The following FCRL4 variants were observed in gnomAD, a reference collection of about 807,000 sequenced individuals.
FCRL4 encodes the protein Fc receptor-like protein 4.
FCRL4 carries 43 observed loss-of-function variants against 64.1 expected under a neutral mutation model. The observed-to-expected ratio is 0.67, with a 90% CI of 0.53 to 0.87. The LOEUF (loss-of-function observed/expected upper bound fraction) is 0.87, where lower values mean the gene tolerates loss of function less well. Among genes scored for constraint, FCRL4 ranks in the 40% least tolerant of loss-of-function variants. FCRL4 has a pLI of 0.00. For missense variants in FCRL4, 656 were observed against 613.5 expected (o/e 1.07, Z -0.73); for synonymous variants, 253 against 239.8 (o/e 1.05, Z -0.51).
intron 2 of FCRL4, among the ~76,000 whole-genome samples, chr1:157,590,621 G>A (rs941765431): frequency 4.0e-5 from 6 of 150,600 alleles, no homozygotes; most frequent in East Asian, 2.0e-4. Context: ...AGATTCAAGC[G>A]ATTCTCCTGC....
At position 157,588,071 on chromosome 1, in the gene FCRL4, A is replaced by C; in HGVS notation, c.356T>G (p.Leu119Trp). ...CCTTCTTCTGTGGCATCTCAGAACC[A>C]ATGTGTCACCTTCAAACACAGAATA... The part of the protein sequence containing the change: ...APYSVFEGDT[L>W]VLRCHRRRKE... The change falls in exon 4 of 12, where the codon TTG becomes TGG. Residue 119 changes from leucine to tryptophan, a missense_variant. Leu to Trp is a moderately conservative substitution (Grantham distance 61). Coordinates refer to ENST00000271532, the MANE Select transcript of FCRL4 (RefSeq NM_031282.3). 6.2e-7 allele frequency: 1 copy of C among 1,613,840 alleles called. No homozygotes were observed. The highest frequency in any genetic ancestry group is 8.5e-7 in the Non-Finnish European group (1 of 1,179,906).
chr1:157,591,923 G>A (rs1268176538), intron 2 of FCRL4, among the ~76,000 whole-genome samples: 5 of 152,072 alleles, frequency 3.3e-5, no homozygotes, highest in African/African-American at 1.2e-4. Context: ...TGGAACAGAG[G>A]TCTCAGACCT....
intron 6 of FCRL4, 85 bp downstream of exon 6, chr1:157,586,083 G>A (rs1652683250): frequency 2.2e-6 from 3 of 1,335,512 alleles, no homozygotes; most frequent in Middle Eastern, 2.1e-4. Context: ...AAACAGCAGA[G>A]TCACAGGGTA....
chr1:157,586,801 G>GTCATAATTTTGTA (rs1652709867), intron 5 of FCRL4, among the ~76,000 whole-genome samples: 1 of 152,172 alleles, frequency 6.6e-6, no homozygotes, highest in Non-Finnish European at 1.5e-5. Flanking sequence ...GTTTTCAAAA[G>GTCATAATTTTGTA]TCATAATTTT....
At chr1:157,582,469 A>C (rs1441770749) in intron 6 of FCRL4, among the ~76,000 whole-genome samples, 1 of 152,186 alleles carries the variant, frequency 6.6e-6, no homozygotes, top group Non-Finnish European at 1.5e-5. Context: ...AAAAAGCATG[A>C]CAGAGGGACA....
Position 157,574,749 on chromosome 1 carries a change from T to G in FCRL4, c.*775A>C, listed in dbSNP as rs1232389460. 1.4e-5 allele frequency: 3 copies of G among 210,440 alleles called. No homozygotes were observed. Among genetic ancestry groups the G allele is most frequent in the Admixed American group, 1.2e-4 (2 of 16,968 alleles). The allele number at this position is 210,440 out of a possible 1,614,324, so 13.0% of individuals were successfully genotyped here. ...ATCTTTTTTTAAAGGCAGAGTTTAT[T>G]ATGAGTTTATACTAATATTTTAAGT... On this transcript the variant is annotated 3_prime_UTR_variant, in exon 12 of 12. Coordinates refer to ENST00000271532, the MANE Select transcript of FCRL4 (RefSeq NM_031282.3).
At chr1:157,593,431 TTTCCCTTCAGTTACTTAAG>T (rs1457332798) in intron 2 of FCRL4, among the ~76,000 whole-genome samples, 1 of 152,178 alleles carries the variant, frequency 6.6e-6, no homozygotes, top group African/African-American at 2.4e-5. Flanking sequence ...CAGAAGTTTG[TTTCCCTTCAGTTACTTAAG>T]ACAGGTTGTC....
At chr1:157,588,627 G>T (rs549512829) in intron 3 of FCRL4, among the ~76,000 whole-genome samples, 11 of 152,342 alleles carry the variant, frequency 7.2e-5, no homozygotes, top group African/African-American at 2.4e-4. Flanking sequence ...CTAATTTGAG[G>T]TTAGCTATAT....
rs771069745 is a variant in FCRL4 at position 157,589,258 on chromosome 1, A to G, written c.253T>C (p.Cys85Arg). 6.2e-7 allele frequency: 1 copy of G among 1,614,228 alleles called. No individual in the cohort carries two copies. The highest frequency in any genetic ancestry group is 1.1e-5 in the South Asian group (1 of 91,086). Residue 85 changes from cysteine to arginine, a missense_variant, in exon 3 of 12, where the codon TGC becomes CGC. By Grantham distance (180) the Cys-to-Arg change is radical. Transcript: ENST00000271532. ...LEVRESGLYRCQARGSPRSNP... is the reference protein window; with the variant it reads ...LEVRESGLYRRQARGSPRSNP... ...CTTCGTGGGGAGCCCCGGGCCTGGC[A>G]TCTGTACAGTCCAGATTCCCGAACC...
intron 2 of FCRL4, among the ~76,000 whole-genome samples, chr1:157,592,357 G>T (rs1254053732): frequency 1.3e-5 from 2 of 151,846 alleles, no homozygotes; most frequent in Non-Finnish European, 2.9e-5. Flanking sequence ...TCTGACAAAG[G>T]CTAATATCCA....
intron 2 of FCRL4, among the ~76,000 whole-genome samples, chr1:157,590,211 C>T (rs937153894): frequency 2.0e-5 from 3 of 152,138 alleles, no homozygotes; most frequent in African/African-American, 7.2e-5. Context: ...AGATGGTATA[C>T]AGGTTGAGTA....
intron 6 of FCRL4, among the ~76,000 whole-genome samples, chr1:157,583,458 G>A (rs936852027): frequency 6.6e-6 from 1 of 152,144 alleles, no homozygotes; most frequent in Non-Finnish European, 1.5e-5. Context: ...TTGGAGACAG[G>A]GCCTTTGAGA....
rs1318012211 is a variant in FCRL4 at position 157,586,353 on chromosome 1, C to T, written c.950G>A (p.Gly317Glu). Residue 317 changes from glycine (G) to glutamate (E), a missense_variant, in exon 6 of 12, where the codon GGG becomes GAG. Physicochemically the swap from Gly to Glu is moderately conservative, Grantham distance 98. Coordinates refer to ENST00000271532, the MANE Select transcript of FCRL4 (RefSeq NM_031282.3). The stretch of plus-strand genomic sequence containing the variant: ...TCGGTGCCAGGAGAATGTGGTATCC[C>T]CTGTGCCTTCAGCCACGGAGCAGAC... ...VLVCSVAEGT[G>E]DTTFSWHRED... The T allele has an allele frequency of 2.5e-6, 4 of 1,613,736 alleles. No individual in the cohort carries two copies. The highest frequency in any genetic ancestry group is 3.3e-5 in the Admixed American group (2 of 60,018).
Position 157,586,290 on chromosome 1 carries a change from C to G in FCRL4, c.1013G>C (p.Arg338Pro), listed in dbSNP as rs369502253. 49 of 1,613,898 alleles carry G rather than the reference C, an allele frequency of 3.0e-5. No individual in the cohort carries two copies. The highest frequency in any genetic ancestry group is 1.7e-5 in the Admixed American group (1 of 60,002). ...GAGCTCCAGCTCTGCTCTCAGGGAA[C>G]GCTGAGTTTTCCTCCCCAGACTCTC... is the stretch of plus-strand genomic sequence containing the variant. ...MQESLGRKTQ[R>P]SLRAELELPA... The change falls in exon 6 of 12, where the codon CGT becomes CCT. Residue 338 changes from arginine (R) to proline (P), a missense_variant. Transcript: ENST00000271532.
intron 10 of FCRL4, 64 bp from the exon 11 acceptor site, chr1:157,575,794 A>AG: frequency 6.5e-7 from 1 of 1,528,764 alleles, no homozygotes; most frequent in South Asian, 1.1e-5. Flanking sequence ...TCAGTCTGTT[A>AG]GCTGATGCCC....
Position 157,585,261 on chromosome 1 carries a change from TCTTTCCTTC to T in FCRL4, c.1135+898_1135+906del, listed in dbSNP as rs773513803. Among the ~76,000 whole-genome samples the T allele has an allele frequency of 3.0e-3, 445 of 148,234 alleles. 2 individuals carry two copies. Among genetic ancestry groups the T allele is most frequent in the South Asian group, 0.02 (94 of 4,798 alleles). ...TTTCTTTCCTTTCCTTTCTTTCCTT[TCTTTCCTTC>T]CTTTCCTTCCTTTCCCTCTTTCTTT... On this transcript the variant is annotated intron_variant, in intron 6 of 11. Coordinates refer to ENST00000271532, the MANE Select transcript of FCRL4 (RefSeq NM_031282.3).
In FCRL4 at chr1:157,574,773, G is replaced by A. The variant is rs2101672037; in HGVS notation, c.*751C>T. On this transcript the variant is annotated 3_prime_UTR_variant, in exon 12 of 12. Transcript: ENST00000271532. ...TTATGAGTTTATACTAATATTTTAA[G>A]TTCAAATTTAGTTTTGGAGAGTTGG... The A allele has an allele frequency of 4.8e-6, 1 of 210,010 alleles. No individual in the cohort carries two copies. Among genetic ancestry groups the A allele is most frequent in the Non-Finnish European group, 9.7e-6 (1 of 103,394 alleles). 13.0% of individuals were successfully genotyped at this position (210,010 alleles called of 1,614,324 possible).
At chr1:157,596,064 G>A (rs951661061) in intron 2 of FCRL4, among the ~76,000 whole-genome samples, 1 of 152,180 alleles carries the variant, frequency 6.6e-6, no homozygotes. Flanking sequence ...CGGGGTGACA[G>A]CTCCTCTTCC....
intron 8 of FCRL4, 152 bp from the exon 9 acceptor site, chr1:157,579,004 T>C: frequency 1.6e-6 from 1 of 636,260 alleles, no homozygotes. Context: ...AATCAGAGTT[T>C]CAATAGGTCT....
Sources: allele counts gnomAD v4.1 joint callset (sites outside exome capture counted in the v4.1 genomes callset), GRCh38; gene constraint gnomAD v4.1.1; transcripts MANE v1.5; gene names NCBI Gene and HGNC (gene_info 2026-07-23, HGNC 2026-07-21).